The following RPL31 variants were observed in gnomAD, a reference collection of about 807,000 sequenced individuals.
RPL31 encodes ribosomal protein L31.
For synonymous variants in RPL31, 51 were observed against 55.0 expected (o/e 0.93, Z 0.32); for missense variants, 95 against 164.0 (o/e 0.58, Z 2.30).
chr2:101,006,611 G>A lies in RPL31; in HGVS notation c.*230G>A, dbSNP rs1291905269. 3.0e-5 allele frequency: 13 copies of A among 434,646 alleles called. No individual in the cohort carries two copies. The East Asian group carries it at 4.7e-4, about 16-fold the overall frequency. The allele number at this position is 434,646 out of a possible 1,614,324, so 26.9% of individuals were successfully genotyped here. A position where few individuals can be genotyped will look rare whatever the true frequency, so the allele number is the denominator to read the frequency against. On this transcript the variant is annotated 3_prime_UTR_variant, in exon 5 of 5. Transcript: ENST00000264258. ...GTTCTGGGTAGTTGGGATACTGAAGGCATATTGTTAATTATTCTACTTGTA... is the reference window on the plus strand; with the variant it reads ...GTTCTGGGTAGTTGGGATACTGAAGACATATTGTTAATTATTCTACTTGTA...
chr2:101,019,144 C>T (rs2105373048), exon 5 of RPL31: 5 of 1,466,600 alleles, frequency 3.4e-6, no homozygotes, highest in Non-Finnish European at 4.6e-6. Flanking sequence ...ACGTCTGTCT[C>T]CCATATTACC....
chr2:101,008,329 T>C, downstream of RPL31: 1 of 1,393,788 alleles, frequency 7.2e-7, no homozygotes, highest in Non-Finnish European at 9.5e-7. Context: ...GTGTCATTTT[T>C]TTTTTTAAAC....
chr2:101,008,059 T>C, downstream of RPL31: 1 of 1,613,942 alleles, frequency 6.2e-7, no homozygotes, highest in South Asian at 1.1e-5. Flanking sequence ...CTTCCCAGTG[T>C]CTGCAAAAAC....
chr2:101,007,398 A>C (rs1678803495), downstream of RPL31: 1 of 167,576 alleles, frequency 6.0e-6, no homozygotes, highest in African/African-American at 2.4e-5. Context: ...ACAATTGCAC[A>C]GATAGTGGAC....
chr2:101,004,395 A>AT, intron 3 of RPL31, 112 bp downstream of exon 3: 1 of 186,166 alleles, frequency 5.4e-6, no homozygotes, highest in Non-Finnish European at 8.4e-6. Context: ...GTGGAAGTAT[A>AT]AAAAAAAAAA....
At chr2:101,006,202 A>G in intron 4 of RPL31, 131 bp downstream of exon 4, 1 of 1,508,212 alleles carries the variant, frequency 6.6e-7, no homozygotes, top group African/African-American at 1.4e-5. Context: ...TGGTGTGGGA[A>G]GATGCTAAAG....
chr2:101,010,752 C>G (rs1321404687), downstream of RPL31, among the ~76,000 whole-genome samples: 1 of 151,980 alleles, frequency 6.6e-6, no homozygotes, highest in Non-Finnish European at 1.5e-5. Flanking sequence ...CGTGGTTGCA[C>G]ACGCCTGTAA....
At chr2:101,002,836 C>T (rs752999693) in intron 2 of RPL31, 28 bp downstream of exon 2, 12 of 1,527,636 alleles carry the variant, frequency 7.9e-6, no homozygotes, top group South Asian at 2.2e-5. Flanking sequence ...CGCCCTGGGT[C>T]TCGAACTCAC....
chr2:101,006,472 C>T lies in RPL31; in HGVS notation c.*91C>T. 8.3e-7 allele frequency: 1 copy of T among 1,203,400 alleles called. No homozygotes were observed. Among genetic ancestry groups the T allele is most frequent in the Admixed American group, 2.5e-5 (1 of 39,264 alleles). 74.5% of individuals were successfully genotyped at this position (1,203,400 alleles called of 1,614,324 possible). ...ACATAATGTACTTGTATACCCTATC[C>T]TAATTATGGGATCATTTGAAGAGCT... On this transcript the variant is annotated 3_prime_UTR_variant, in exon 5 of 5. Transcript: ENST00000264258.
chr2:101,006,050 G>A lies in RPL31; in HGVS notation c.325G>A (p.Val109Ile). 1.2e-6 allele frequency: 2 copies of A among 1,613,814 alleles called. No homozygotes were observed. Among genetic ancestry groups the A allele is most frequent in the East Asian group, 2.2e-5 (1 of 44,882 alleles). Reference protein sequence around the residue: ...PNKLYTLVTYVPVTTFKNLQT... With the variant: ...PNKLYTLVTYIPVTTFKNLQT... Reference sequence around the variant, plus strand: ...TAAGCTATATACTTTGGTTACCTATGTACCTGTTACCACTTTCAAAAGTAA... The same window carrying A: ...TAAGCTATATACTTTGGTTACCTATATACCTGTTACCACTTTCAAAAGTAA... Residue 109 changes from valine (V) to isoleucine (I), a missense_variant, in exon 4 of 5, where the codon GTA (valine) becomes ATA (isoleucine). Coordinates refer to ENST00000264258, the MANE Select transcript of RPL31 (RefSeq NM_000993.5).
chr2:101,008,144 C>G (rs771965407), downstream of RPL31: 27 of 1,613,750 alleles, frequency 1.7e-5, no homozygotes, highest in Non-Finnish European at 2.1e-5. Flanking sequence ...GAGCTGCTGC[C>G]TCGCTGCCCC....
At chr2:101,002,646 G>A (rs1678584582) in intron 1 of RPL31, 56 bp from the exon 2 acceptor site, 3 of 1,380,916 alleles carry the variant, frequency 2.2e-6, no homozygotes, top group East Asian at 4.6e-5. Context: ...TGGGAGGGAG[G>A]ACTTGGCTTG....
At chr2:101,009,564 G>A (rs969716651), downstream of RPL31, among the ~76,000 whole-genome samples, 1 of 152,036 alleles carries the variant, frequency 6.6e-6, no homozygotes, top group African/African-American at 2.4e-5. Flanking sequence ...ATGTGTATCA[G>A]AATGTTAATA....
downstream of RPL31, chr2:101,007,778 T>C: frequency 3.8e-6 from 6 of 1,579,844 alleles, no homozygotes; most frequent in South Asian, 1.1e-5. Context: ...TGGTTCGTGC[T>C]TTGGTATGGT....
At chr2:101,005,674 A>ACATTTGGAC (rs1036041557) in intron 3 of RPL31, 2 of 377,382 alleles carry the variant, frequency 5.3e-6, no homozygotes, top group East Asian at 1.1e-4. Flanking sequence ...AAAGACTAAC[A>ACATTTGGAC]CATTTGGACC....
intron 4 of RPL31, 74 bp downstream of exon 4, chr2:101,006,145 C>G: frequency 3.2e-6 from 5 of 1,565,092 alleles, no homozygotes; most frequent in Non-Finnish European, 4.3e-6. Context: ...GTGAATTCAT[C>G]TGTTAAGCTA....
chr2:101,012,393 C>G (rs982728857), intron 4 of RPL31, among the ~76,000 whole-genome samples: 1 of 152,214 alleles, frequency 6.6e-6, no homozygotes, highest in Non-Finnish European at 1.5e-5. Context: ...ACGCATGCTA[C>G]AGCATGGATG....
intron 4 of RPL31, among the ~76,000 whole-genome samples, chr2:101,016,898 G>A (rs1297994851): frequency 2.0e-5 from 3 of 151,970 alleles, no homozygotes; most frequent in Non-Finnish European, 4.4e-5. Flanking sequence ...CACATGAAGG[G>A]GAACATCACA....
At chr2:101,013,607 C>T (rs1679397315) in intron 4 of RPL31, among the ~76,000 whole-genome samples, 1 of 152,230 alleles carries the variant, frequency 6.6e-6, no homozygotes, top group Non-Finnish European at 1.5e-5. Flanking sequence ...ACAGATACCA[C>T]CAGCAGGAAG....
Sources: allele counts gnomAD v4.1 joint callset (sites outside exome capture counted in the v4.1 genomes callset), GRCh38; gene constraint gnomAD v4.1.1; transcripts MANE v1.5; gene names NCBI Gene and HGNC (gene_info 2026-07-23, HGNC 2026-07-21).